The following PPM1E variants were observed in gnomAD, a reference collection of about 807,000 sequenced individuals.
The protein encoded by PPM1E is protein phosphatase, Mg2+/Mn2+ dependent 1E.
A neutral mutation model predicts 65.9 loss-of-function variants in PPM1E; 20 were observed. That is an observed-to-expected ratio of 0.30 (90% confidence interval 0.21 to 0.44). The LOEUF (loss-of-function observed/expected upper bound fraction) is 0.44, where lower values mean the gene tolerates loss of function less well. PPM1E is among the 20% of genes least tolerant of loss of function. The pLI, the probability that PPM1E is intolerant of heterozygous loss-of-function variation, is 1.00. For missense variants in PPM1E, 713 were observed against 953.1 expected (o/e 0.75, Z 3.32); for synonymous variants, 352 against 374.9 (o/e 0.94, Z 0.70).
At chr17:58,795,930 G>C (rs2050201701) in intron 1 of PPM1E, among the ~76,000 whole-genome samples, 1 of 152,086 alleles carries the variant, frequency 6.6e-6, no homozygotes, top group African/African-American at 2.4e-5. Flanking sequence ...TTGGATATTA[G>C]ACCTTTGTCA....
chr17:58,762,053 T>G (rs1474927566), intron 1 of PPM1E, among the ~76,000 whole-genome samples: 1 of 152,224 alleles, frequency 6.6e-6, no homozygotes, highest in East Asian at 1.9e-4. Flanking sequence ...ATTCCACAGC[T>G]TATGGGGGTT....
chr17:58,762,085 A>G (rs1363510303), intron 1 of PPM1E, among the ~76,000 whole-genome samples: 1 of 152,096 alleles, frequency 6.6e-6, no homozygotes, highest in Admixed American at 6.6e-5. Flanking sequence ...CCTTTCTCCA[A>G]TTTTTAGGCC....
intron 2 of PPM1E, among the ~76,000 whole-genome samples, chr17:58,961,697 C>G (rs2030035372): frequency 6.6e-6 from 1 of 152,156 alleles, no homozygotes; most frequent in Non-Finnish European, 1.5e-5. Context: ...GATGGAAATG[C>G]TCCCTACCTG....
intron 1 of PPM1E, among the ~76,000 whole-genome samples, chr17:58,792,670 T>G (rs1037086801): frequency 2.0e-5 from 3 of 151,672 alleles, no homozygotes; most frequent in Non-Finnish European, 4.4e-5. Flanking sequence ...TATATAATTT[T>G]TCAACTCTTT....
At chr17:58,967,842 T>A (rs2030355001) in intron 3 of PPM1E, among the ~76,000 whole-genome samples, 1 of 151,616 alleles carries the variant, frequency 6.6e-6, no homozygotes, top group Admixed American at 6.6e-5. Flanking sequence ...GCTCGCTCTG[T>A]CTCCAGGCTG....
chr17:58,839,715 T>C (rs540125733), intron 1 of PPM1E, among the ~76,000 whole-genome samples: 5 of 152,198 alleles, frequency 3.3e-5, no homozygotes, highest in East Asian at 1.9e-4. Context: ...AGATAGCAGA[T>C]AGTGGGAGCC....
intron 6 of PPM1E, among the ~76,000 whole-genome samples, chr17:58,979,160 TG>T (rs1199468539): frequency 6.6e-6 from 1 of 152,144 alleles, no homozygotes; most frequent in African/African-American, 2.4e-5. Flanking sequence ...CAGTTGTTAA[TG>T]AGTGGGGAAA....
chr17:58,906,464 G>A (rs903021797), intron 1 of PPM1E, among the ~76,000 whole-genome samples: 7 of 151,966 alleles, frequency 4.6e-5, no homozygotes, highest in African/African-American at 1.4e-4. Context: ...TCAACCTCCC[G>A]AGTACCTGGG....
chr17:58,883,728 G>T (rs558933394), intron 1 of PPM1E, among the ~76,000 whole-genome samples: 1 of 150,362 alleles, frequency 6.7e-6, no homozygotes, highest in Admixed American at 6.6e-5. Context: ...CTCGTGATCC[G>T]CCCGCCTCGG....
At chr17:58,884,425 C>T (rs2051242200) in intron 1 of PPM1E, among the ~76,000 whole-genome samples, 1 of 152,198 alleles carries the variant, frequency 6.6e-6, no homozygotes, top group Non-Finnish European at 1.5e-5. Flanking sequence ...AGTTACCACT[C>T]TGTCATCTAC....
At chr17:58,917,039 G>A (rs963963875) in intron 1 of PPM1E, among the ~76,000 whole-genome samples, 27 of 151,888 alleles carry the variant, frequency 1.8e-4, no homozygotes, top group African/African-American at 5.1e-4. Flanking sequence ...GTGAAACCCC[G>A]TCTCTACTAA....
chr17:58,785,458 T>TTATATATCTATATATATATA, intron 1 of PPM1E: 1 of 88,990 alleles, frequency 1.1e-5, no homozygotes, highest in Non-Finnish European at 2.0e-5. Flanking sequence ...CCTGGCTAAT[T>TTATATATCTATATATATATA]TATATATATA....
chr17:58,892,776 C>T (rs1276964454), intron 1 of PPM1E, among the ~76,000 whole-genome samples: 1 of 152,040 alleles, frequency 6.6e-6, no homozygotes, highest in Non-Finnish European at 1.5e-5. Context: ...TAAACATGGG[C>T]AAAAGACCTG....
chr17:58,966,363 AAG>A, intron 3 of PPM1E: 2 of 362,206 alleles, frequency 5.5e-6, no homozygotes, highest in South Asian at 2.2e-5. Flanking sequence ...AAAAAAAAAA[AAG>A]AAAGAAAAGA....
At chr17:58,842,959 G>A (rs868458572) in intron 1 of PPM1E, among the ~76,000 whole-genome samples, 1 of 151,486 alleles carries the variant, frequency 6.6e-6, no homozygotes, top group African/African-American at 2.4e-5. Flanking sequence ...AGTTTAGAAT[G>A]TTTTGATTTT....
In PPM1E at chr17:58,982,030, T is replaced by C. The variant is rs1396196465; in HGVS notation, c.*999T>C. On this transcript the variant is annotated 3_prime_UTR_variant, in exon 7 of 7. Coordinates refer to ENST00000308249, the MANE Select transcript of PPM1E (RefSeq NM_014906.5). Reference sequence around the variant, plus strand: ...AGAATGAAAAATGCTACTTTTATCTTCTCTAAAATTATTTCCCCCAAGGTA... The same window carrying C: ...AGAATGAAAAATGCTACTTTTATCTCCTCTAAAATTATTTCCCCCAAGGTA... 1 of 152,638 alleles carries C rather than the reference T, an allele frequency of 6.6e-6. No homozygotes were observed. The highest frequency in any genetic ancestry group is 1.9e-4 in the East Asian group (1 of 5,194). The allele number at this position is 152,638 out of a possible 1,614,324, so 9.5% of individuals were successfully genotyped here. A position where few individuals can be genotyped will look rare whatever the true frequency, so the allele number is the denominator to read the frequency against.
chr17:58,933,478 A>G (rs2051929793), intron 1 of PPM1E, among the ~76,000 whole-genome samples: 1 of 152,224 alleles, frequency 6.6e-6, no homozygotes, highest in Non-Finnish European at 1.5e-5. Context: ...ATTAAGAAAT[A>G]TCAATATAAA....
At chr17:58,844,371 A>G (rs896070643) in intron 1 of PPM1E, among the ~76,000 whole-genome samples, 3 of 152,214 alleles carry the variant, frequency 2.0e-5, no homozygotes, top group Non-Finnish European at 4.4e-5. Flanking sequence ...GGAAGAAAAT[A>G]AAATTATAAT....
chr17:58,950,374 A>T (rs1260321458), intron 1 of PPM1E, among the ~76,000 whole-genome samples: 11 of 152,130 alleles, frequency 7.2e-5, no homozygotes, highest in African/African-American at 4.8e-5. Flanking sequence ...AAAAAAAATT[A>T]TTTTTTGACT....
Sources: allele counts gnomAD v4.1 joint callset (sites outside exome capture counted in the v4.1 genomes callset), GRCh38; gene constraint gnomAD v4.1.1; transcripts MANE v1.5; gene names NCBI Gene and HGNC (gene_info 2026-07-23, HGNC 2026-07-21).